The following DAB1 variants were observed in gnomAD, a reference collection of about 807,000 sequenced individuals.
DAB1 encodes disabled homolog 1.
Under a neutral mutation model 64.6 loss-of-function variants are expected in DAB1, and 15 were observed. The ratio of observed to expected loss-of-function variants is 0.23; its 90% confidence interval spans 0.16 to 0.36. The LOEUF (loss-of-function observed/expected upper bound fraction) is 0.36. Among genes scored for constraint, DAB1 ranks in the 10% least tolerant of loss-of-function variants. The pLI is 1.00. For synonymous variants in DAB1, 235 were observed against 251.9 expected (o/e 0.93, Z 0.64); for missense variants, 596 against 706.7 (o/e 0.84, Z 1.78).
chr1:57,771,658 A>G (rs1423426245), intron 6 of DAB1, among the ~76,000 whole-genome samples: 2 of 152,058 alleles, frequency 1.3e-5, no homozygotes. Context: ...AAATTCGTAC[A>G]CCTGTACATC....
intron 7 of DAB1, among the ~76,000 whole-genome samples, chr1:57,554,348 C>G (rs888022833): frequency 6.6e-6 from 1 of 152,170 alleles, no homozygotes; most frequent in Non-Finnish European, 1.5e-5. Context: ...ATTTTCCTAG[C>G]TTTGTGTTAC....
Position 57,902,563 on chromosome 1 carries a change from T to G in DAB1, n.388-18401A>C, listed in dbSNP as rs575003748. The stretch of plus-strand genomic sequence containing the variant: ...AAGGGCCATGTTTTGCATTTAATTG[T>G]CATTTCTTGTTAGCTTTTAATGTGA... On this transcript the variant is annotated intron_variant and non_coding_transcript_variant, in intron 5 of 20. Transcript: ENST00000485760. Among the ~76,000 whole-genome samples the G allele has an allele frequency of 3.9e-5, 6 of 152,192 alleles. 1 individual carries two copies. Among genetic ancestry groups the G allele is most frequent in the African/African-American group, 1.4e-4 (6 of 41,454 alleles).
chr1:57,671,024 C>T (rs1273211606), intron 6 of DAB1, among the ~76,000 whole-genome samples: 1 of 152,126 alleles, frequency 6.6e-6, no homozygotes, highest in Non-Finnish European at 1.5e-5. Flanking sequence ...TCACTTCATT[C>T]ACATGGATTC....
intron 4 of DAB1, among the ~76,000 whole-genome samples, chr1:58,275,967 T>C (rs546062164): frequency 6.6e-6 from 1 of 152,302 alleles, no homozygotes; most frequent in East Asian, 1.9e-4. Flanking sequence ...TATACACCAG[T>C]GGAATACTGT....
upstream of DAB1, among the ~76,000 whole-genome samples, chr1:57,426,712 A>G (rs531324918): frequency 2.0e-4 from 31 of 152,230 alleles, no homozygotes; most frequent in Middle Eastern, 6.8e-3. Flanking sequence ...AGGCACTCTT[A>G]TTGTACTGGA....
chr1:57,674,724 T>C (rs1294186717), intron 6 of DAB1, among the ~76,000 whole-genome samples: 2 of 152,160 alleles, frequency 1.3e-5, no homozygotes, highest in Admixed American at 1.3e-4. Flanking sequence ...TCGGCCTCTG[T>C]CTTTATTATT....
chr1:57,908,759 G>A (rs987733707), intron 5 of DAB1, among the ~76,000 whole-genome samples: 2 of 152,184 alleles, frequency 1.3e-5, no homozygotes, highest in African/African-American at 4.8e-5. Context: ...TCTGGCTGCT[G>A]CTTTTCTCAG....
chr1:58,446,749 C>T (rs1391810364), intron 3 of DAB1, among the ~76,000 whole-genome samples: 1 of 152,176 alleles, frequency 6.6e-6, no homozygotes, highest in Non-Finnish European at 1.5e-5. Context: ...GCCATCCATC[C>T]TTGTTGTTCC....
chr1:57,010,730 T>G lies in DAB1; in HGVS notation c.1633A>C (p.Ser545Arg), dbSNP rs1553127442. The G allele has an allele frequency of 1.3e-6, 2 of 1,598,624 alleles. No individual in the cohort carries two copies. Among genetic ancestry groups the G allele is most frequent in the Non-Finnish European group, 1.7e-6 (2 of 1,170,006 alleles). The change falls in exon 14 of 15, where the codon AGT becomes CGT. Residue 545 changes from serine (S) to arginine (R), a missense_variant. Physicochemically the swap from Ser to Arg is moderately radical, Grantham distance 110. Around this residue, in one of 3 missense-constraint regions of DAB1, gnomAD observed 377 missense variants for 400.4 expected, o/e 0.94. Coordinates refer to ENST00000371236, the MANE Select transcript of DAB1 (RefSeq NM_001365792.1). ...GCCTGTGGACTTATATTATCACCAC[T>G]GGGCTCCCCACTGGGCTCACCAAAT... Reference protein sequence around the residue: ...DPFGEPSGEPSGDNISPQAGS With the variant: ...DPFGEPSGEPRGDNISPQAGS
intron 6 of DAB1, among the ~76,000 whole-genome samples, chr1:57,775,127 A>T (rs749396502): frequency 1.4e-4 from 21 of 151,448 alleles, no homozygotes; most frequent in Admixed American, 2.0e-4. Context: ...TTTCCTTATT[A>T]ATATTGGAAT....
intron 4 of DAB1, among the ~76,000 whole-genome samples, chr1:58,314,438 G>C (rs1569633734): frequency 6.6e-6 from 1 of 152,076 alleles, no homozygotes; most frequent in East Asian, 1.9e-4. Flanking sequence ...GGATTCTCTG[G>C]TTTTTGCGCC....
chr1:58,106,209 G>A (rs753482518), intron 5 of DAB1, among the ~76,000 whole-genome samples: 13 of 141,878 alleles, frequency 9.2e-5, no homozygotes, highest in Non-Finnish European at 1.4e-4. Flanking sequence ...ACTGAGTCTC[G>A]CTCTGTTGCC....
chr1:57,201,183 G>C (rs1400786684), intron 2 of DAB1, among the ~76,000 whole-genome samples: 1 of 152,054 alleles, frequency 6.6e-6, no homozygotes, highest in Admixed American at 6.6e-5. Flanking sequence ...GGTTTTTGTG[G>C]CTTTATCAAT....
At chr1:57,018,313 G>T (rs777362766) in intron 11 of DAB1, among the ~76,000 whole-genome samples, 25 of 152,218 alleles carry the variant, frequency 1.6e-4, no homozygotes, top group Non-Finnish European at 3.1e-4. Flanking sequence ...TATTAGCCTG[G>T]ACTTACAGCT....
intron 9 of DAB1, among the ~76,000 whole-genome samples, chr1:57,048,705 A>T (rs1278099548): frequency 1.3e-5 from 2 of 152,330 alleles, no homozygotes; most frequent in African/African-American, 4.8e-5. Context: ...TGAGGCTCCA[A>T]CTCAGCTTCA....
chr1:57,749,779 AAG>A (rs1473013435), intron 6 of DAB1, among the ~76,000 whole-genome samples: 2 of 152,180 alleles, frequency 1.3e-5, no homozygotes, highest in African/African-American at 4.8e-5. Context: ...AGGAAAGAGG[AAG>A]ATGAAAAAAT....
intron 4 of DAB1, among the ~76,000 whole-genome samples, chr1:57,077,756 T>C (rs1272406013): frequency 1.3e-5 from 2 of 150,738 alleles, no homozygotes; most frequent in African/African-American, 4.9e-5. Flanking sequence ...GATTAGAAAG[T>C]CATCTGCTGA....
intron 4 of DAB1, among the ~76,000 whole-genome samples, chr1:58,254,755 G>T (rs1660889762): frequency 1.5e-5 from 1 of 68,500 alleles, no homozygotes; most frequent in Non-Finnish European, 2.5e-5. Context: ...GTATTCCATG[G>T]TGTATATATG....
At chr1:57,176,947 TA>T (rs71677338) in intron 2 of DAB1, among the ~76,000 whole-genome samples, 35,622 of 72,886 alleles carry the variant, frequency 0.49, 7,790 homozygotes, top group African/African-American at 0.7. Flanking sequence ...AAGAAGCAGA[TA>T]AAAAAAAGAA....
Sources: allele counts gnomAD v4.1 joint callset (sites outside exome capture counted in the v4.1 genomes callset), GRCh38; gene constraint gnomAD v4.1.1; regional missense constraint gnomAD v4.1.1; transcripts MANE v1.5; gene names NCBI Gene and HGNC (gene_info 2026-07-23, HGNC 2026-07-21).